The following CDH13 variants were observed in gnomAD, a reference collection of about 807,000 sequenced individuals.
CDH13 encodes cadherin-13.
CDH13 carries 24 observed loss-of-function variants against 63.8 expected under a neutral mutation model. The observed-to-expected ratio is 0.38, with a 90% CI of 0.27 to 0.53. The LOEUF (loss-of-function observed/expected upper bound fraction) is 0.53, where lower values mean the gene tolerates loss of function less well. CDH13 is among the 20% of genes least tolerant of loss of function. The pLI, the probability that CDH13 is intolerant of heterozygous loss-of-function variation, is 0.85. For missense variants in CDH13, 1,049 were observed against 903.1 expected, an observed-to-expected ratio of 1.16 and a Z score of -2.07; for synonymous variants, 503 against 355.3, an observed-to-expected ratio of 1.42 and a Z score of -4.67.
At chr16:82,649,271 A>G (rs1457378855) in intron 1 of CDH13, among the ~76,000 whole-genome samples, 1 of 152,164 alleles carries the variant, frequency 6.6e-6, no homozygotes, top group Admixed American at 6.5e-5. Context: ...TGAACTGGCT[A>G]GATAGAAGGA....
At chr16:83,439,436 T>G (rs1469390422) in intron 6 of CDH13, among the ~76,000 whole-genome samples, 3 of 152,208 alleles carry the variant, frequency 2.0e-5, no homozygotes, top group Admixed American at 2.0e-4. Flanking sequence ...ACATATAATT[T>G]GGGCTTGCAT....
At chr16:83,498,227 C>T (rs1229395902) in intron 7 of CDH13, among the ~76,000 whole-genome samples, 3 of 152,092 alleles carry the variant, frequency 2.0e-5, no homozygotes, top group African/African-American at 4.8e-5. Flanking sequence ...AGATGAGGGG[C>T]ACTCCCTGGA....
chr16:82,647,775 A>G (rs1567587782), intron 1 of CDH13, among the ~76,000 whole-genome samples: 1 of 152,184 alleles, frequency 6.6e-6, no homozygotes. Flanking sequence ...CAGAAGAGAC[A>G]GGAGCTTGGG....
At chr16:82,774,720 G>A (rs546587269) in intron 1 of CDH13, among the ~76,000 whole-genome samples, 3 of 152,280 alleles carry the variant, frequency 2.0e-5, no homozygotes, top group Admixed American at 6.5e-5. Context: ...TATCCACCAG[G>A]ATAGGTGAGG....
intron 7 of CDH13, among the ~76,000 whole-genome samples, chr16:83,497,606 A>G (rs1334569822): frequency 6.6e-6 from 1 of 152,082 alleles, no homozygotes; most frequent in African/African-American, 2.4e-5. Context: ...GCACATGTAT[A>G]CATATGTAAC....
intron 2 of CDH13, among the ~76,000 whole-genome samples, chr16:82,957,243 C>G (rs1906258862): frequency 6.6e-6 from 1 of 152,176 alleles, no homozygotes; most frequent in Non-Finnish European, 1.5e-5. Flanking sequence ...ATGACTAAAT[C>G]TAGCTGCAAG....
chr16:82,685,188 C>T (rs1440224233), intron 1 of CDH13, among the ~76,000 whole-genome samples: 1 of 152,122 alleles, frequency 6.6e-6, no homozygotes, highest in Non-Finnish European at 1.5e-5. Context: ...AAAAAAATAC[C>T]ATAGACTAGG....
intron 6 of CDH13, among the ~76,000 whole-genome samples, chr16:83,473,843 T>A (rs115400338): frequency 0.025 from 3,811 of 152,208 alleles, 159 homozygotes; most frequent in African/African-American, 0.086. Flanking sequence ...CAAGCGGCTT[T>A]ACCTCCCTGG....
rs558043836 is a variant in CDH13, at chr16:83,173,574, C to G, written c.484-43771C>G. 1.6e-4 allele frequency among the ~76,000 whole-genome samples: 25 copies of G among 152,158 alleles called. No homozygotes were observed. The South Asian group carries it at 5.2e-3, about 32-fold the overall frequency. ...ACTAGTGTTTTAGAATAAGCACATC[C>G]CAACTATTGCACTGGACATATTAAT... On this transcript the variant is annotated intron_variant, in intron 4 of 13. Coordinates refer to ENST00000567109, the MANE Select transcript of CDH13 (RefSeq NM_001257.5).
At chr16:83,377,815 G>C (rs542971416) in intron 6 of CDH13, among the ~76,000 whole-genome samples, 2 of 152,056 alleles carry the variant, frequency 1.3e-5, no homozygotes, top group Admixed American at 1.3e-4. Context: ...TCTTTGTTCT[G>C]GTGTTATCTG....
intron 3 of CDH13, among the ~76,000 whole-genome samples, chr16:83,095,538 G>T (rs192778694): frequency 6.6e-6 from 1 of 152,094 alleles, no homozygotes; most frequent in Non-Finnish European, 1.5e-5. Context: ...CAAATATCAC[G>T]TTATCTTTCT....
chr16:83,062,434 A>T (rs1220637145), intron 3 of CDH13, among the ~76,000 whole-genome samples: 1 of 152,224 alleles, frequency 6.6e-6, no homozygotes, highest in Non-Finnish European at 1.5e-5. Context: ...AGTAAGAAGT[A>T]TCAATGTGGT....
intron 10 of CDH13, among the ~76,000 whole-genome samples, chr16:83,736,727 C>T (rs1911574538): frequency 1.3e-5 from 2 of 152,286 alleles, no homozygotes; most frequent in South Asian, 4.2e-4. Context: ...AATGGACTAG[C>T]AAGCCCTGAC....
intron 5 of CDH13, among the ~76,000 whole-genome samples, chr16:83,266,941 C>G (rs916938394): frequency 1.1e-4 from 17 of 152,176 alleles, no homozygotes; most frequent in Non-Finnish European, 1.8e-4. Flanking sequence ...AGCCTATTTT[C>G]TTTTTTTCTA....
At chr16:82,932,202 C>G (rs868436610) in intron 2 of CDH13, among the ~76,000 whole-genome samples, 1 of 152,082 alleles carries the variant, frequency 6.6e-6, no homozygotes, top group East Asian at 1.9e-4. Context: ...AAGATTGTTG[C>G]TATATTTTTA....
At chr16:82,819,309 A>G (rs867419757) in intron 1 of CDH13, among the ~76,000 whole-genome samples, 9 of 152,324 alleles carry the variant, frequency 5.9e-5, no homozygotes, top group Non-Finnish European at 1.0e-4. Context: ...GAGGTATTGA[A>G]CCTTTTCAGC....
At chr16:83,430,106 A>C in intron 6 of CDH13, among the ~76,000 whole-genome samples, 1 of 152,212 alleles carries the variant, frequency 6.6e-6, no homozygotes, top group East Asian at 1.9e-4. Context: ...CATGTGATCC[A>C]GCAGTTTCCC....
rs184345876 is a variant in CDH13, at chr16:82,785,803, G to A, written c.46-72559G>A. On this transcript the variant is annotated intron_variant, in intron 1 of 13. Coordinates refer to ENST00000567109, the MANE Select transcript of CDH13 (RefSeq NM_001257.5). ...TCGCGGTACCGCAAAAGAAATAGCA[G>A]TCGAATATAAAATTTTATTTTTAAT... 2.6e-5 allele frequency among the ~76,000 whole-genome samples: 4 copies of A among 152,324 alleles called. No homozygotes were observed. In the East Asian group the frequency reaches 7.7e-4, roughly 29 times the overall value.
At chr16:82,962,287 G>T (rs2151345387) in intron 2 of CDH13, among the ~76,000 whole-genome samples, 1 of 152,312 alleles carries the variant, frequency 6.6e-6, no homozygotes, top group Middle Eastern at 3.4e-3. Context: ...CCCAAGCCAA[G>T]GATTCCCAGA....
Sources: allele counts gnomAD v4.1 joint callset (sites outside exome capture counted in the v4.1 genomes callset), GRCh38; gene constraint gnomAD v4.1.1; transcripts MANE v1.5; gene names NCBI Gene and HGNC (gene_info 2026-07-23, HGNC 2026-07-21).